The following KLHL2 variants were observed in gnomAD, a reference collection of about 807,000 sequenced individuals.
KLHL2 encodes the protein kelch-like protein 2.
Under a neutral mutation model 75.8 loss-of-function variants are expected in KLHL2, and 15 were observed. That is an observed-to-expected ratio of 0.20 (90% CI 0.13 to 0.30). The LOEUF (loss-of-function observed/expected upper bound fraction) is 0.30, where lower values mean the gene tolerates loss of function less well. Ranked by LOEUF, KLHL2 falls within the 10% of genes least tolerant of loss-of-function variation. The pLI is 1.00. For synonymous variants in KLHL2, 214 were observed against 251.9 expected (o/e 0.85, Z 1.42); for missense variants, 381 against 741.0 (o/e 0.51, Z 5.64).
chr4:165,281,307 CTCTT>C (rs956554124), intron 5 of KLHL2, among the ~76,000 whole-genome samples: 2 of 138,398 alleles, frequency 1.4e-5, no homozygotes, highest in Non-Finnish European at 3.0e-5. Flanking sequence ...CTCTCTCTCT[CTCTT>C]TTTTTTTTTT....
At chr4:165,224,952 A>C (rs534372043) in intron 2 of KLHL2, among the ~76,000 whole-genome samples, 1 of 152,212 alleles carries the variant, frequency 6.6e-6, no homozygotes, top group Non-Finnish European at 1.5e-5. Context: ...GAAGATAGAC[A>C]CCGTGCATTT....
chr4:165,223,858 A>G (rs1738204974), intron 2 of KLHL2: 1 of 351,104 alleles, frequency 2.8e-6, no homozygotes, highest in East Asian at 1.1e-4. Flanking sequence ...ATAATGTGCA[A>G]CACACTGTAT....
intron 2 of KLHL2, among the ~76,000 whole-genome samples, chr4:165,227,252 T>G (rs1738512212): frequency 6.6e-6 from 1 of 151,980 alleles, no homozygotes; most frequent in Non-Finnish European, 1.5e-5. Flanking sequence ...TACCATAATC[T>G]AAATGGCATA....
chr4:165,309,099 C>T (rs901962639), intron 9 of KLHL2, among the ~76,000 whole-genome samples: 2 of 152,116 alleles, frequency 1.3e-5, no homozygotes, highest in Non-Finnish European at 2.9e-5. Flanking sequence ...AACTGTGAGC[C>T]ACATTGCCTG....
intron 14 of KLHL2, among the ~76,000 whole-genome samples, chr4:165,320,547 A>G (rs959489374): frequency 2.0e-5 from 3 of 152,198 alleles, no homozygotes; most frequent in Non-Finnish European, 4.4e-5. Flanking sequence ...CAGCCTCTAG[A>G]TCAGTGACCA....
intron 5 of KLHL2, among the ~76,000 whole-genome samples, chr4:165,282,151 C>T (rs1743742667): frequency 6.6e-6 from 1 of 152,214 alleles, no homozygotes; most frequent in Admixed American, 6.5e-5. Flanking sequence ...TGGGAACTAA[C>T]TCTGAGTATA....
rs780791898 is a variant in KLHL2 at position 165,207,925 on chromosome 4, T to TGCGCCGCTGCGGATAAGC, written c.26+36_26+53dup. On this transcript the variant is annotated intron_variant, in intron 1 of 14. Transcript: ENST00000226725. The surrounding 1 kb of genome is among the most constrained non-coding windows in gnomAD (Gnocchi z 4.2). ...CGCGTGAGTGAGCGGGCGGGCGGGC[T>TGCGCCGCTGCGGATAAGC]GCGCCGCTGCGGATAAGCGCGCCGC... The TGCGCCGCTGCGGATAAGC allele has an allele frequency of 2.7e-4, 377 of 1,399,312 alleles. 1 individual carries two copies. The African/African-American group carries it at 5.2e-3, about 19-fold the overall frequency. The allele number at this position is 1,399,312 out of a possible 1,614,324, so 86.7% of individuals were successfully genotyped here.
intron 5 of KLHL2, among the ~76,000 whole-genome samples, chr4:165,272,704 A>C (rs1385297726): frequency 6.6e-6 from 1 of 151,452 alleles, no homozygotes. Flanking sequence ...ATCAGAAGCA[A>C]CTCATTTACT....
chr4:165,243,362 A>G (rs572369618), intron 4 of KLHL2, among the ~76,000 whole-genome samples: 7 of 152,370 alleles, frequency 4.6e-5, no homozygotes, highest in Admixed American at 3.3e-4. Flanking sequence ...AACAGTGCCC[A>G]TGAAAGTAAA....
chr4:165,265,892 C>G (rs1212295927), intron 5 of KLHL2, among the ~76,000 whole-genome samples: 3 of 152,132 alleles, frequency 2.0e-5, no homozygotes, highest in Non-Finnish European at 4.4e-5. Flanking sequence ...TGAGGAATTG[C>G]CACACTGTCT....
chr4:165,211,844 T>C (rs1341664689), intron 1 of KLHL2, among the ~76,000 whole-genome samples: 1 of 152,132 alleles, frequency 6.6e-6, no homozygotes, highest in Non-Finnish European at 1.5e-5. Flanking sequence ...CTCCACCTAC[T>C]CCCTGCAAAA....
chr4:165,238,656 T>A (rs2111100340), intron 3 of KLHL2, 122 bp from the exon 4 acceptor site: 1 of 1,535,116 alleles, frequency 6.5e-7, no homozygotes, highest in African/African-American at 1.4e-5. Flanking sequence ...CTGCAAAAAG[T>A]GGCTGATTAT....
At chr4:165,264,031 TCTTCAGGCC>T in intron 5 of KLHL2, among the ~76,000 whole-genome samples, 1 of 152,124 alleles carries the variant, frequency 6.6e-6, no homozygotes, top group East Asian at 1.9e-4. Flanking sequence ...CTTTAGCTGC[TCTTCAGGCC>T]CTTCAGACCC....
chr4:165,262,122 A>G (rs1339030057), intron 4 of KLHL2, among the ~76,000 whole-genome samples: 2 of 152,176 alleles, frequency 1.3e-5, no homozygotes, highest in Non-Finnish European at 2.9e-5. Context: ...ATGTTTTTCT[A>G]TTATTGACTT....
rs1353550024 is a variant in KLHL2, at chr4:165,215,042, A to G, written c.27-4892A>G. ...TAGGGCAAATGTTAACATTTTTAAA[A>G]AGCTCTATTTATTTGGTAATATGAA... On this transcript the variant is annotated intron_variant, in intron 1 of 14. Transcript: ENST00000226725. 2.0e-5 allele frequency among the ~76,000 whole-genome samples: 3 copies of G among 152,178 alleles called. No individual in the cohort carries two copies. In the East Asian group the frequency reaches 5.8e-4, roughly 29 times the overall value.
chr4:165,243,862 A>G (rs1740014613), intron 4 of KLHL2, among the ~76,000 whole-genome samples: 1 of 152,238 alleles, frequency 6.6e-6, no homozygotes, highest in Non-Finnish European at 1.5e-5. Context: ...TTAATCAATA[A>G]AAAGCCAGCC....
At chr4:165,228,098 A>T (rs559721967) in intron 2 of KLHL2, among the ~76,000 whole-genome samples, 1 of 152,342 alleles carries the variant, frequency 6.6e-6, no homozygotes, top group African/African-American at 2.4e-5. Flanking sequence ...GGGTTTCGCC[A>T]TGTTGGCCAG....
intron 5 of KLHL2, among the ~76,000 whole-genome samples, chr4:165,280,334 G>A (rs1281519625): frequency 3.3e-5 from 5 of 152,182 alleles, no homozygotes; most frequent in Non-Finnish European, 7.3e-5. Flanking sequence ...ATTATTCTCT[G>A]TAAGACCAGT....
intron 11 of KLHL2, 70 bp downstream of exon 11, chr4:165,311,635 C>T: frequency 9.1e-7 from 1 of 1,093,410 alleles, no homozygotes; most frequent in South Asian, 1.4e-5. Context: ...CCAGTAATCT[C>T]AACTTTAGTT....
Sources: allele counts gnomAD v4.1 joint callset (sites outside exome capture counted in the v4.1 genomes callset), GRCh38; gene constraint gnomAD v4.1.1; non-coding constraint Gnocchi (gnomAD v3.1); transcripts MANE v1.5; gene names NCBI Gene and HGNC (gene_info 2026-07-23, HGNC 2026-07-21).